The following NSD2 variants were observed in gnomAD, a reference collection of about 807,000 sequenced individuals.
NSD2 encodes nuclear receptor binding SET domain protein 2, also known as histone-lysine N-methyltransferase NSD2.
Under a neutral mutation model 139.0 loss-of-function variants are expected in NSD2, and 12 were observed. The ratio of observed to expected loss-of-function variants is 0.09; its 90% confidence interval spans 0.06 to 0.14. The LOEUF (loss-of-function observed/expected upper bound fraction) is 0.14, where lower values mean the gene tolerates loss of function less well. Ranked by LOEUF, NSD2 falls within the 10% of genes least tolerant of loss-of-function variation. NSD2 has a pLI of 1.00. For synonymous variants in NSD2, 669 were observed against 648.7 expected, an observed-to-expected ratio of 1.03 and a Z score of -0.48; for missense variants, 1,155 against 1,745.0, an observed-to-expected ratio of 0.66 and a Z score of 6.02.
intron 2 of NSD2, among the ~76,000 whole-genome samples, chr4:1,901,756 A>G (rs1717203880): frequency 6.6e-6 from 1 of 152,152 alleles, no homozygotes; most frequent in South Asian, 2.1e-4. Flanking sequence ...GTGTCCACTT[A>G]CTGTCTCCTC....
intron 15 of NSD2, 60 bp from the exon 16 acceptor site, chr4:1,957,873 C>T (rs1724992146): frequency 2.1e-6 from 3 of 1,461,850 alleles, no homozygotes; most frequent in East Asian, 2.3e-5. Context: ...AAATATGGAG[C>T]TTGAAAGGTA....
chr4:1,932,068 T>A (rs1313350847), intron 6 of NSD2, among the ~76,000 whole-genome samples: 1 of 152,178 alleles, frequency 6.6e-6, no homozygotes, highest in Non-Finnish European at 1.5e-5. Context: ...ATCCTGACTT[T>A]CAGGTGACCC....
chr4:1,887,803 T>C (rs1215417781), intron 1 of NSD2: 3 of 152,252 alleles, frequency 2.0e-5, no homozygotes, highest in Non-Finnish European at 4.4e-5. Context: ...TTCTGTTGGC[T>C]TTATTTTCCA....
rs1723196430 is a variant in NSD2, at chr4:1,942,453, C to G, written c.1881+2675C>G. 1 of 1,564,540 alleles carries G rather than the reference C, an allele frequency of 6.4e-7. No individual in the cohort carries two copies. The highest frequency in any genetic ancestry group is 1.4e-5 in the African/African-American group (1 of 73,230). On this transcript the variant is annotated intron_variant, in intron 9 of 21. Coordinates refer to ENST00000508803, the MANE Select transcript of NSD2 (RefSeq NM_001042424.3). This position sits in a 1 kb window ranked among gnomAD's most constrained non-coding sequence, Gnocchi z 4.0. ...TGCAGGTGGCGTATCATCGTACACA[C>G]TCAGTGACATTTCTATCACAATCAT...
At chr4:1,891,369 G>A (rs1162959987) in intron 1 of NSD2, among the ~76,000 whole-genome samples, 2 of 152,210 alleles carry the variant, frequency 1.3e-5, no homozygotes, top group South Asian at 2.1e-4. Context: ...GCCCCCGGAG[G>A]AATGGGTTGG....
chr4:1,965,050 GCAAAAA>G (rs1725742516), intron 18 of NSD2, among the ~76,000 whole-genome samples: 2 of 15,268 alleles, frequency 1.3e-4, no homozygotes, highest in Non-Finnish European at 1.8e-4. Context: ...CCAGTGTTCA[GCAAAAA>G]AAAAAAAAAA....
At chr4:1,943,003 G>A (rs1723255616) in intron 9 of NSD2, 2 of 1,050,820 alleles carry the variant, frequency 1.9e-6, no homozygotes, top group African/African-American at 1.7e-5. Context: ...CAGTATTATT[G>A]TGAACCATTT....
chr4:1,944,736 A>T, intron 9 of NSD2: 1 of 1,064,896 alleles, frequency 9.4e-7, no homozygotes, highest in Non-Finnish European at 1.1e-6. Flanking sequence ...TGGGCCATCA[A>T]GCCTTTATAT....
intron 1 of NSD2, among the ~76,000 whole-genome samples, chr4:1,876,516 C>T (rs531526638): frequency 1.2e-4 from 18 of 152,068 alleles, no homozygotes; most frequent in African/African-American, 4.3e-4. Flanking sequence ...CATAGGGAGA[C>T]CCCATCTCTA....
intron 7 of NSD2, among the ~76,000 whole-genome samples, chr4:1,937,492 G>A (rs1182102270): frequency 6.6e-6 from 1 of 152,172 alleles, no homozygotes; most frequent in African/African-American, 2.4e-5. Context: ...TAAGTGGCTA[G>A]TAATGTTTTA....
rs546674897 is a variant in NSD2, at chr4:1,954,072, G to C, written c.2338+548G>C. ...ACGATCTCAGCTCACTGCAACCTCT[G>C]CCTCCCAGGTTCAAGCGATCCTCCT... On this transcript the variant is annotated intron_variant, in intron 12 of 21. Coordinates refer to ENST00000508803, the MANE Select transcript of NSD2 (RefSeq NM_001042424.3). 4.6e-5 allele frequency among the ~76,000 whole-genome samples: 7 copies of C among 150,900 alleles called. 1 individual carries two copies. In the South Asian group the frequency reaches 1.5e-3, roughly 32 times the overall value.
intron 2 of NSD2, among the ~76,000 whole-genome samples, chr4:1,903,193 G>T (rs1322973211): frequency 6.6e-6 from 1 of 152,186 alleles, no homozygotes; most frequent in African/African-American, 2.4e-5. Context: ...GAAAACTGAG[G>T]CCTGAGGCAG....
rs4865481 is a variant in NSD2 at position 1,872,637 on chromosome 4, C to G, written c.-30+1095C>G. On this transcript the variant is annotated intron_variant, in intron 1 of 21. Coordinates refer to ENST00000508803, the MANE Select transcript of NSD2 (RefSeq NM_001042424.3). ...GAGAGAGAGAGAGAGAGAGAGAGAGCGCGCAGACCCTGTGAAGACAAGACT... is the reference window on the plus strand; with the variant it reads ...GAGAGAGAGAGAGAGAGAGAGAGAGGGCGCAGACCCTGTGAAGACAAGACT... 1.4e-3 allele frequency among the ~76,000 whole-genome samples: 113 copies of G among 81,852 alleles called. 1 individual carries two copies. The highest frequency in any genetic ancestry group is 2.0e-3 in the Non-Finnish European group (80 of 39,852). 53.7% of individuals were successfully genotyped at this position (81,852 alleles called of 152,430 possible).
intron 20 of NSD2, 105 bp downstream of exon 20, chr4:1,975,505 T>A: frequency 9.5e-7 from 1 of 1,051,504 alleles, no homozygotes. Context: ...GCTGGCTTGT[T>A]GCCGGGACAG....
At chr4:1,944,015 A>G (rs2108912704) in intron 9 of NSD2, 1 of 1,065,778 alleles carries the variant, frequency 9.4e-7, no homozygotes, top group East Asian at 5.0e-5. Flanking sequence ...GAGCAGCATG[A>G]CATTGGCATC....
chr4:1,928,513 C>T lies in NSD2; in HGVS notation c.1411-2113C>T, dbSNP rs147538312. Among the ~76,000 whole-genome samples the T allele has an allele frequency of 1.1e-3, 175 of 152,258 alleles. 6 individuals carry two copies. In the South Asian group the frequency reaches 0.033, roughly 28 times the overall value. ...ACAGTTTCACCGTGAAGCTCGGAGA[C>T]GTTAATGAGGAGTCATTGCTCTGTT... On this transcript the variant is annotated intron_variant, in intron 5 of 21. Transcript: ENST00000508803.
In NSD2 at chr4:1,972,275, T is replaced by C. The variant is rs1218998437; in HGVS notation, c.3373-2588T>C. ...TCACTGACGGACACAAGAGATGATATGGATGAGTGGCGGTACAGGCTATGT... is the reference window on the plus strand; with the variant it reads ...TCACTGACGGACACAAGAGATGATACGGATGAGTGGCGGTACAGGCTATGT... On this transcript the variant is annotated intron_variant, in intron 18 of 21. Transcript: ENST00000508803. This position sits in a 1 kb window ranked among gnomAD's most constrained non-coding sequence, Gnocchi z 4.0. Among the ~76,000 whole-genome samples, 5 of 151,994 alleles carry C rather than the reference T, an allele frequency of 3.3e-5. No individual in the cohort carries two copies. The highest frequency in any genetic ancestry group is 7.4e-5 in the Non-Finnish European group (5 of 67,996).
chr4:1,943,694 A>G (rs1723331603), intron 9 of NSD2: 1 of 1,051,052 alleles, frequency 9.5e-7, no homozygotes, highest in Middle Eastern at 4.3e-4. Context: ...TCCAAAGGAC[A>G]TGAAAAAGCT....
intron 6 of NSD2, among the ~76,000 whole-genome samples, chr4:1,933,782 TTAAAA>T (rs1229092408): frequency 2.6e-5 from 4 of 152,168 alleles, no homozygotes; most frequent in Non-Finnish European, 5.9e-5. Context: ...GGATTTATAT[TTAAAA>T]TAAACATTGG....
Sources: gnomAD v4.1 joint callset for allele counts (sites outside exome capture counted in the v4.1 genomes callset) on GRCh38, gnomAD v4.1.1 for gene constraint, Gnocchi (gnomAD v3.1) non-coding constraint, MANE v1.5 for transcripts, NCBI Gene and HGNC (gene_info 2026-07-23, HGNC 2026-07-21) for gene names.